The following HECW2 variants were observed in gnomAD, a reference collection of about 807,000 sequenced individuals.
HECW2 encodes the protein E3 ubiquitin-protein ligase HECW2.
A neutral mutation model predicts 175.2 loss-of-function variants in HECW2; 61 were observed. The observed-to-expected ratio is 0.35, with a 90% confidence interval of 0.28 to 0.43. The LOEUF (loss-of-function observed/expected upper bound fraction) is 0.43, where lower values mean the gene tolerates loss of function less well. Among genes scored for constraint, HECW2 ranks in the 20% least tolerant of loss-of-function variants. The pLI, the probability that HECW2 is intolerant of heterozygous loss-of-function variation, is 1.00. For synonymous variants in HECW2, 671 were observed against 731.0 expected, an observed-to-expected ratio of 0.92 and a Z score of 1.32; for missense variants, 1,524 against 2,000.5, an observed-to-expected ratio of 0.76 and a Z score of 4.54.
At chr2:196,479,199 A>G (rs1173892596) in intron 1 of HECW2, among the ~76,000 whole-genome samples, 1 of 152,186 alleles carries the variant, frequency 6.6e-6, no homozygotes, top group Non-Finnish European at 1.5e-5. Flanking sequence ...TCTCAGCCAC[A>G]CATCTTCTCC....
intron 24 of HECW2, among the ~76,000 whole-genome samples, chr2:196,221,385 T>C (rs1214791835): frequency 6.6e-6 from 1 of 152,172 alleles, no homozygotes; most frequent in African/African-American, 2.4e-5. Flanking sequence ...CAGCTAAAGA[T>C]TAATGCCTAA....
rs1438446286 is a variant in HECW2 at position 196,200,218 on chromosome 2, G to C, written c.*1059C>G. 2 of 152,590 alleles carry C rather than the reference G, an allele frequency of 1.3e-5. No individual in the cohort carries two copies. Among genetic ancestry groups the C allele is most frequent in the South Asian group, 2.1e-4 (1 of 4,834 alleles). The allele number at this position is 152,590 out of a possible 1,614,324, so 9.5% of individuals were successfully genotyped here. A position where few individuals can be genotyped will look rare whatever the true frequency, so the allele number is the denominator to read the frequency against. On this transcript the variant is annotated 3_prime_UTR_variant, in exon 29 of 29. Coordinates refer to ENST00000644978, the MANE Select transcript of HECW2 (RefSeq NM_001348768.2). ...AGACACGGCACTGTGAAGGAAGTTT[G>C]ATTTAGAAGCTATTTTCTATTATAC...
chr2:196,287,210 A>G (rs773262574), intron 14 of HECW2, among the ~76,000 whole-genome samples: 21 of 152,240 alleles, frequency 1.4e-4, no homozygotes, highest in Non-Finnish European at 2.1e-4. Flanking sequence ...CCAAAGTCAA[A>G]ACCTCTAGAG....
At chr2:196,370,956 C>A (rs1436987761) in intron 2 of HECW2, among the ~76,000 whole-genome samples, 1 of 152,188 alleles carries the variant, frequency 6.6e-6, no homozygotes, top group African/African-American at 2.4e-5. Flanking sequence ...TGTTCAATGC[C>A]TCTTTCAGTG....
chr2:196,370,485 G>A (rs913539273), intron 2 of HECW2, among the ~76,000 whole-genome samples: 12 of 152,116 alleles, frequency 7.9e-5, no homozygotes, highest in Non-Finnish European at 1.8e-4. Flanking sequence ...TGCTGCCTGG[G>A]GGTGGGAGAG....
rs570492869 is a variant in HECW2, at chr2:196,464,894, TAGTC to T, written c.-35-31440_-35-31437del. Among the ~76,000 whole-genome samples the T allele has an allele frequency of 2.7e-4, 41 of 152,030 alleles. No homozygotes were observed. In the East Asian group the frequency reaches 7.5e-3, roughly 28 times the overall value. ...TGTCTCTACTAAAAATACAAAAAAT[TAGTC>T]AGGAATGGTGGCGCACACCTATAAT... On this transcript the variant is annotated intron_variant, in intron 1 of 28. Transcript: ENST00000644978.
intron 1 of HECW2, among the ~76,000 whole-genome samples, chr2:196,450,961 TC>T (rs1696328706): frequency 6.6e-6 from 1 of 152,078 alleles, no homozygotes; most frequent in Non-Finnish European, 1.5e-5. Context: ...GAACCAAAAG[TC>T]AACCGAGAGA....
At chr2:196,590,224 G>A (rs552654728) in intron 1 of HECW2, among the ~76,000 whole-genome samples, 1 of 152,064 alleles carries the variant, frequency 6.6e-6, no homozygotes, top group Non-Finnish European at 1.5e-5. Flanking sequence ...AAACCAACAG[G>A]AGTAAACTGG....
At chr2:196,242,305 G>A (rs1013274747) in intron 19 of HECW2, 101 bp from the exon 20 acceptor site, 27 of 1,447,476 alleles carry the variant, frequency 1.9e-5, no homozygotes, top group African/African-American at 2.8e-5. Flanking sequence ...CAAGTCAAAT[G>A]AGGCAACTGT....
chr2:196,483,009 G>C (rs1472803911), intron 1 of HECW2, among the ~76,000 whole-genome samples: 1 of 150,548 alleles, frequency 6.6e-6, no homozygotes, highest in Non-Finnish European at 1.5e-5. Flanking sequence ...AGAAAACTAA[G>C]GTGTCCCTTT....
intron 13 of HECW2, among the ~76,000 whole-genome samples, chr2:196,302,369 T>G (rs915193079): frequency 1.3e-5 from 2 of 152,254 alleles, no homozygotes; most frequent in African/African-American, 4.8e-5. Context: ...AGCTTTGTTC[T>G]TGTTGTTTAG....
chr2:196,513,628 A>G (rs1393492558), intron 1 of HECW2, among the ~76,000 whole-genome samples: 1 of 152,254 alleles, frequency 6.6e-6, no homozygotes, highest in East Asian at 1.9e-4. Flanking sequence ...ACTAGAAGAC[A>G]ATATAAAAAC....
intron 2 of HECW2, among the ~76,000 whole-genome samples, chr2:196,374,812 G>A (rs1007842861): frequency 6.6e-6 from 1 of 151,220 alleles, no homozygotes; most frequent in African/African-American, 2.4e-5. Flanking sequence ...ATAGACGTGG[G>A]ATACATCCAG....
chr2:196,246,309 T>C (rs1688640065), intron 19 of HECW2, among the ~76,000 whole-genome samples: 1 of 152,112 alleles, frequency 6.6e-6, no homozygotes, highest in African/African-American at 2.4e-5. Flanking sequence ...GAATCAACTT[T>C]CAAGAGCAAA....
intron 18 of HECW2, among the ~76,000 whole-genome samples, chr2:196,255,881 T>G (rs1161383071): frequency 6.6e-6 from 1 of 152,128 alleles, no homozygotes; most frequent in African/African-American, 2.4e-5. Context: ...TTGTCCAGCC[T>G]GGGCAACACG....
intron 17 of HECW2, chr2:196,260,612 C>T (rs918208778): frequency 3.3e-5 from 5 of 152,202 alleles, no homozygotes; most frequent in African/African-American, 1.2e-4. Context: ...TTTATACCTT[C>T]TCCCGGTCTA....
At chr2:196,545,984 T>C (rs1207148819) in intron 1 of HECW2, among the ~76,000 whole-genome samples, 2 of 152,198 alleles carry the variant, frequency 1.3e-5, no homozygotes, top group Non-Finnish European at 2.9e-5. Flanking sequence ...TTTGACTATA[T>C]CTTTGATGAC....
intron 21 of HECW2, among the ~76,000 whole-genome samples, chr2:196,231,615 C>T (rs995635997): frequency 2.0e-5 from 3 of 152,148 alleles, no homozygotes; most frequent in African/African-American, 7.2e-5. Context: ...AAATATTTAC[C>T]ACCTAGCCCT....
chr2:196,404,720 A>G (rs1575507299), intron 2 of HECW2, among the ~76,000 whole-genome samples: 1 of 145,066 alleles, frequency 6.9e-6, no homozygotes, highest in South Asian at 2.2e-4. Flanking sequence ...TCCATTAATC[A>G]CCCCCAGTTA....
Sources: allele counts gnomAD v4.1 joint callset (sites outside exome capture counted in the v4.1 genomes callset), GRCh38; gene constraint gnomAD v4.1.1; transcripts MANE v1.5; gene names NCBI Gene and HGNC (gene_info 2026-07-23, HGNC 2026-07-21).